The following CNOT7 variants were observed in gnomAD, a reference collection of about 807,000 sequenced individuals.
The protein encoded by CNOT7 is CCR4-NOT transcription complex subunit 7, also known as BTG1-binding factor 1.
Under a neutral mutation model 37.1 loss-of-function variants are expected in CNOT7, and 4 were observed. That is an observed-to-expected ratio of 0.11 (90% confidence interval 0.05 to 0.25). CNOT7 has a LOEUF of 0.25. CNOT7 is among the 10% of genes least tolerant of loss of function. CNOT7 has a pLI of 1.00. For synonymous variants in CNOT7, 128 were observed against 115.6 expected (o/e 1.11, Z -0.69); for missense variants, 170 against 336.2 (o/e 0.51, Z 3.87).
At chr8:17,231,664 CACTT>C (rs1486247962) in intron 6 of CNOT7, 4 of 985,408 alleles carry the variant, frequency 4.1e-6, no homozygotes, top group East Asian at 2.3e-4. Flanking sequence ...AGAAAAACCT[CACTT>C]GTTTTTTGCA....
chr8:17,230,546 T>A lies in CNOT7; in HGVS notation c.*174A>T. The A allele has an allele frequency of 2.4e-6, 1 of 417,596 alleles. No individual in the cohort carries two copies. The highest frequency in any genetic ancestry group is 4.2e-6 in the Non-Finnish European group (1 of 240,270). The allele number at this position is 417,596 out of a possible 1,614,324, so 25.9% of individuals were successfully genotyped here. ...CCTGAATGCGTTTTTTTTTTTCTTT[T>A]TATTAAGATCTGAGATAGGAACGGT... On this transcript the variant is annotated 3_prime_UTR_variant, in exon 7 of 7. Coordinates refer to ENST00000361272, the MANE Select transcript of CNOT7 (RefSeq NM_013354.7).
intron 4 of CNOT7, among the ~76,000 whole-genome samples, chr8:17,235,281 C>T (rs561554128): frequency 1.2e-4 from 19 of 152,172 alleles, no homozygotes; most frequent in African/African-American, 4.3e-4. Context: ...AGCAAGAGAA[C>T]TGGCATTCGG....
intron 1 of CNOT7, among the ~76,000 whole-genome samples, chr8:17,245,450 T>C (rs1810805209): frequency 6.6e-6 from 1 of 152,202 alleles, no homozygotes; most frequent in African/African-American, 2.4e-5. Flanking sequence ...CTGGTCCTAA[T>C]TTCAGTTATT....
In CNOT7 at chr8:17,225,272, CA is replaced by C. The variant is rs370005422; in HGVS notation, c.*5447del. ...ATTCTTATCTTTTGGGAGAAAGAGC[CA>C]AAACAGAAGGGTGTGAAAGCAGTGA... is the stretch of plus-strand genomic sequence containing the variant. On this transcript the variant is annotated 3_prime_UTR_variant, in exon 7 of 7. Transcript: ENST00000361272. The C allele has an allele frequency of 8.6e-5, 13 of 151,540 alleles. No homozygotes were observed. Among genetic ancestry groups the C allele is most frequent in the African/African-American group, 3.1e-4 (13 of 41,420 alleles). The allele number at this position is 151,540 out of a possible 1,614,324, so 9.4% of individuals were successfully genotyped here.
Position 17,226,333 on chromosome 8 carries a change from G to A in CNOT7, c.*4387C>T, listed in dbSNP as rs1453327146. ...AAATAGAAAATGTTAATCTGTTAAT[G>A]CTGATGTGTAATGGGATTTCACGTA... On this transcript the variant is annotated 3_prime_UTR_variant, in exon 7 of 7. Transcript: ENST00000361272. 1.3e-5 allele frequency: 2 copies of A among 151,392 alleles called. No homozygotes were observed. Among genetic ancestry groups the A allele is most frequent in the African/African-American group, 4.8e-5 (2 of 41,324 alleles). 9.4% of individuals were successfully genotyped at this position (151,392 alleles called of 1,614,324 possible).
In CNOT7 at chr8:17,225,439, G is replaced by A. The variant is rs559345780; in HGVS notation, c.*5281C>T. Reference sequence around the variant, plus strand: ...AGAAAATGAGTAATTCTGGAGAAATGTAGCTTGTTCATTCACCTACAGACT... The same window carrying A: ...AGAAAATGAGTAATTCTGGAGAAATATAGCTTGTTCATTCACCTACAGACT... On this transcript the variant is annotated 3_prime_UTR_variant, in exon 7 of 7. Coordinates refer to ENST00000361272, the MANE Select transcript of CNOT7 (RefSeq NM_013354.7). The A allele has an allele frequency of 6.6e-6, 1 of 151,778 alleles. No individual in the cohort carries two copies. Among genetic ancestry groups the A allele is most frequent in the Non-Finnish European group, 1.5e-5 (1 of 67,724 alleles). 9.4% of individuals were successfully genotyped at this position (151,778 alleles called of 1,614,324 possible). A position where few individuals can be genotyped will look rare whatever the true frequency, so the allele number is the denominator to read the frequency against.
In CNOT7 at chr8:17,230,265, G is replaced by C. The variant is rs1301839629; in HGVS notation, c.*455C>G. 1 of 152,580 alleles carries C rather than the reference G, an allele frequency of 6.6e-6. No homozygotes were observed. Among genetic ancestry groups the C allele is most frequent in the African/African-American group, 2.4e-5 (1 of 41,422 alleles). 9.5% of individuals were successfully genotyped at this position (152,580 alleles called of 1,614,324 possible). A position where few individuals can be genotyped will look rare whatever the true frequency, so the allele number is the denominator to read the frequency against. ...AAAAACAAATTTTCTGATAAAACAG[G>C]TTTAGAGTCAGAAACACTCTCTAAA... On this transcript the variant is annotated 3_prime_UTR_variant, in exon 7 of 7. Transcript: ENST00000361272.
At chr8:17,233,437 T>C (rs1400001132) in intron 5 of CNOT7, among the ~76,000 whole-genome samples, 3 of 152,208 alleles carry the variant, frequency 2.0e-5, no homozygotes, top group Non-Finnish European at 2.9e-5. Flanking sequence ...TGGCTGACTA[T>C]AGGTCAAAAA....
chr8:17,243,380 C>T, intron 2 of CNOT7, 195 bp from the exon 3 acceptor site: 1 of 641,050 alleles, frequency 1.6e-6, no homozygotes, highest in Non-Finnish European at 2.8e-6. Flanking sequence ...ATAACCTTTC[C>T]TTAAATATAT....
intron 3 of CNOT7, among the ~76,000 whole-genome samples, chr8:17,238,486 G>A (rs2150989542): frequency 6.8e-6 from 1 of 147,546 alleles, no homozygotes; most frequent in South Asian, 2.1e-4. Flanking sequence ...AAGGGTAACA[G>A]AATAAACCCA....
rs1427154948 is a variant in CNOT7, at chr8:17,228,180, A to G, written c.*2540T>C. The G allele has an allele frequency of 6.6e-6, 1 of 151,938 alleles. No individual in the cohort carries two copies. The highest frequency in any genetic ancestry group is 2.4e-5 in the African/African-American group (1 of 41,452). 9.4% of individuals were successfully genotyped at this position (151,938 alleles called of 1,614,324 possible). On this transcript the variant is annotated 3_prime_UTR_variant, in exon 7 of 7. Coordinates refer to ENST00000361272, the MANE Select transcript of CNOT7 (RefSeq NM_013354.7). ...CCATTTTCAGTTCATGGGCCACACA[A>G]AAACAGGCAGCAAGCTGATTCTGGC...
At position 17,225,988 on chromosome 8, in the gene CNOT7, C is replaced by CAT. The variant is rs966811740; in HGVS notation, c.*4730_*4731dup. ...CAGATGAAATAGCAAACAGGACAGA[C>CAT]ATAGACCCTTGAGTTTCTTCTAGTA... On this transcript the variant is annotated 3_prime_UTR_variant, in exon 7 of 7. Coordinates refer to ENST00000361272, the MANE Select transcript of CNOT7 (RefSeq NM_013354.7). 4.9e-5 allele frequency: 7 copies of CAT among 141,418 alleles called. No homozygotes were observed. Among genetic ancestry groups the CAT allele is most frequent in the African/African-American group, 1.8e-4 (7 of 38,090 alleles). 8.8% of individuals were successfully genotyped at this position (141,418 alleles called of 1,614,324 possible).
Position 17,227,071 on chromosome 8 carries a change from A to T in CNOT7, c.*3649T>A, listed in dbSNP as rs1385751013. On this transcript the variant is annotated 3_prime_UTR_variant, in exon 7 of 7. Coordinates refer to ENST00000361272, the MANE Select transcript of CNOT7 (RefSeq NM_013354.7). ...TAAGTCCACAAGAGCAAATGAAGTT[A>T]ACTGTTGACCAGTTCAGTAACACCA... The T allele has an allele frequency of 6.6e-6, 1 of 151,858 alleles. No individual in the cohort carries two copies. Among genetic ancestry groups the T allele is most frequent in the African/African-American group, 2.4e-5 (1 of 41,426 alleles). The allele number at this position is 151,858 out of a possible 1,614,324, so 9.4% of individuals were successfully genotyped here. A position where few individuals can be genotyped will look rare whatever the true frequency, so the allele number is the denominator to read the frequency against.
intron 3 of CNOT7, among the ~76,000 whole-genome samples, chr8:17,240,155 A>G (rs991126391): frequency 3.3e-5 from 5 of 152,178 alleles, no homozygotes; most frequent in South Asian, 2.1e-4. Context: ...TGCTCTCTCT[A>G]TATTAGGCAT....
chr8:17,235,592 C>T (rs1317026990), intron 4 of CNOT7, among the ~76,000 whole-genome samples: 1 of 152,094 alleles, frequency 6.6e-6, no homozygotes, highest in Non-Finnish European at 1.5e-5. Flanking sequence ...CGGCCTTTCG[C>T]ACAGCTTTCT....
chr8:17,235,713 T>C lies in CNOT7; in HGVS notation c.474-853A>G, dbSNP rs142066091. On this transcript the variant is annotated intron_variant, in intron 4 of 6. Coordinates refer to ENST00000361272, the MANE Select transcript of CNOT7 (RefSeq NM_013354.7). ...ACATTTGCTCACTAACATTAAAAGA[T>C]TATATTAGCGCTTAGGATTTATAAA... 4.3e-3 allele frequency among the ~76,000 whole-genome samples: 658 copies of C among 152,310 alleles called. 19 individuals are homozygous for C. Among genetic ancestry groups the C allele is most frequent in the Admixed American group, 0.039 (597 of 15,296 alleles).
intron 4 of CNOT7, among the ~76,000 whole-genome samples, chr8:17,236,211 T>C (rs1809339409): frequency 6.6e-6 from 1 of 152,186 alleles, no homozygotes; most frequent in African/African-American, 2.4e-5. Context: ...TCCTTCACTA[T>C]AAACATCCCA....
At chr8:17,232,867 A>G (rs529715111) in intron 5 of CNOT7, among the ~76,000 whole-genome samples, 16 of 152,220 alleles carry the variant, frequency 1.1e-4, no homozygotes, top group African/African-American at 3.6e-4. Flanking sequence ...CTCATAGTCT[A>G]TCAATCCAGT....
At position 17,226,967 on chromosome 8, in the gene CNOT7, C is replaced by T. The variant is rs554923817; in HGVS notation, c.*3753G>A. The T allele has an allele frequency of 8.1e-4, 123 of 151,256 alleles. 1 individual carries two copies. The highest frequency in any genetic ancestry group is 3.4e-3 in the Middle Eastern group (1 of 292). 9.4% of individuals were successfully genotyped at this position (151,256 alleles called of 1,614,324 possible). ...TCTTTAGCACTGCTAAGCCATTGAACGCCTGTGTGGCAAATCAAATCAGGA... is the reference window on the plus strand; with the variant it reads ...TCTTTAGCACTGCTAAGCCATTGAATGCCTGTGTGGCAAATCAAATCAGGA... On this transcript the variant is annotated 3_prime_UTR_variant, in exon 7 of 7. Coordinates refer to ENST00000361272, the MANE Select transcript of CNOT7 (RefSeq NM_013354.7).
Sources: allele counts gnomAD v4.1 joint callset (sites outside exome capture counted in the v4.1 genomes callset), GRCh38; gene constraint gnomAD v4.1.1; transcripts MANE v1.5; gene names NCBI Gene and HGNC (gene_info 2026-07-23, HGNC 2026-07-21).